Variants in NIBAN1 observed in about 807,000 individuals in gnomAD.
NIBAN1 encodes the protein niban apoptosis regulator 1, also known as protein Niban 1.
NIBAN1 carries 81 observed loss-of-function variants against 75.1 expected under a neutral mutation model. The ratio of observed to expected loss-of-function variants is 1.08; its 90% confidence interval spans 0.90 to 1.30. NIBAN1 has a LOEUF of 1.30. NIBAN1 is among the 50% of genes most tolerant of loss of function. The pLI is 0.00. For missense variants in NIBAN1, 1,133 were observed against 1,128.1 expected (o/e 1.00, Z -0.06); for synonymous variants, 436 against 424.8 (o/e 1.03, Z -0.32).
In NIBAN1 at chr1:184,794,665, CCTA is replaced by C. The variant is rs1653787322; in HGVS notation, c.*309_*311del. On this transcript the variant is annotated 3_prime_UTR_variant, in exon 14 of 14. Transcript: ENST00000367511. The stretch of plus-strand genomic sequence containing the variant: ...TGCAGAGTATACTCAAAACTGTCAT[CCTA>C]CTGTTTTCTCAGTCTTCCCTGCAAT... The C allele has an allele frequency of 2.2e-6, 1 of 458,360 alleles. No homozygotes were observed. Among genetic ancestry groups the C allele is most frequent in the African/African-American group, 2.0e-5 (1 of 50,548 alleles). The allele number at this position is 458,360 out of a possible 1,614,324, so 28.4% of individuals were successfully genotyped here. A position where few individuals can be genotyped will look rare whatever the true frequency, so the allele number is the denominator to read the frequency against.
chr1:184,929,444 TTAAATGCTTC>T (rs748450226), intron 1 of NIBAN1, among the ~76,000 whole-genome samples: 45 of 152,356 alleles, frequency 3.0e-4, no homozygotes, highest in Non-Finnish European at 5.9e-4. Flanking sequence ...TCATAATGTT[TTAAATGCTTC>T]TAAATGGTGT....
At chr1:184,819,792 G>A (rs982554594) in intron 8 of NIBAN1, among the ~76,000 whole-genome samples, 1 of 152,188 alleles carries the variant, frequency 6.6e-6, no homozygotes, top group Non-Finnish European at 1.5e-5. Flanking sequence ...TGAAAAAAAT[G>A]AGGCCTGGAG....
At chr1:184,965,082 G>T (rs1658745890) in intron 1 of NIBAN1, among the ~76,000 whole-genome samples, 1 of 152,244 alleles carries the variant, frequency 6.6e-6, no homozygotes, top group East Asian at 1.9e-4. Context: ...GGCGGATCAC[G>T]AAGTCAGGAG....
chr1:184,914,928 T>C (rs1657344562), intron 1 of NIBAN1, among the ~76,000 whole-genome samples: 1 of 152,160 alleles, frequency 6.6e-6, no homozygotes, highest in African/African-American at 2.4e-5. Flanking sequence ...TTCACCATGT[T>C]AGCCAGGATG....
chr1:184,830,827 C>G (rs1172857307), intron 6 of NIBAN1, among the ~76,000 whole-genome samples: 5 of 151,942 alleles, frequency 3.3e-5, no homozygotes, highest in Admixed American at 6.6e-5. Context: ...ATGGTGAAAC[C>G]CCATCTCTAC....
At position 184,893,087 on chromosome 1, in the gene NIBAN1, G is replaced by A. The variant is rs139660893; in HGVS notation, c.318+988C>T. ...GCACCTCGCCATCTTGACTATTCTT[G>A]AGCTTAGAGGCCAGAGAGCAGAGTT... On this transcript the variant is annotated intron_variant, in intron 3 of 13. Coordinates refer to ENST00000367511, the MANE Select transcript of NIBAN1 (RefSeq NM_052966.4). Among the ~76,000 whole-genome samples the A allele has an allele frequency of 2.7e-3, 406 of 152,216 alleles. 2 individuals carry two copies. Among genetic ancestry groups the A allele is most frequent in the African/African-American group, 9.3e-3 (385 of 41,536 alleles).
At chr1:184,799,278 TGA>T (rs1653964143) in intron 12 of NIBAN1, among the ~76,000 whole-genome samples, 1 of 149,690 alleles carries the variant, frequency 6.7e-6, no homozygotes, top group South Asian at 2.1e-4. Flanking sequence ...CACCTATGAG[TGA>T]GAATATGCGG....
chr1:184,973,926 G>A (rs1023284705), intron 1 of NIBAN1, among the ~76,000 whole-genome samples: 1 of 152,232 alleles, frequency 6.6e-6, no homozygotes, highest in Non-Finnish European at 1.5e-5. Flanking sequence ...CTAGAAACGC[G>A]GGATATCCCC....
rs1168955438 is a variant in NIBAN1 at position 184,961,057 on chromosome 1, CTTTTTTTTTTTT to C, written c.55+13233_55+13244del. 1.3e-3 allele frequency among the ~76,000 whole-genome samples: 75 copies of C among 57,860 alleles called. 1 individual carries two copies. The highest frequency in any genetic ancestry group is 2.0e-3 in the Non-Finnish European group (65 of 31,932). 38.0% of individuals were successfully genotyped at this position (57,860 alleles called of 152,430 possible). On this transcript the variant is annotated intron_variant, in intron 1 of 13. Coordinates refer to ENST00000367511, the MANE Select transcript of NIBAN1 (RefSeq NM_052966.4). ...CCTCCTCCCCCTTCTATATGCCGTTCTTTTTTTTTTTTTTTTTTTTTTTTTTTTTCAGACGGA... is the reference window on the plus strand; with the variant it reads ...CCTCCTCCCCCTTCTATATGCCGTTCTTTTTTTTTTTTTTTTTCAGACGGA...
chr1:184,906,461 T>A (rs966894589), intron 1 of NIBAN1, among the ~76,000 whole-genome samples: 3 of 151,592 alleles, frequency 2.0e-5, no homozygotes, highest in Non-Finnish European at 4.4e-5. Flanking sequence ...AGAAACCCCG[T>A]CCCTACTAAA....
intron 5 of NIBAN1, among the ~76,000 whole-genome samples, chr1:184,871,756 A>T (rs1470253321): frequency 6.6e-6 from 1 of 152,230 alleles, no homozygotes; most frequent in Non-Finnish European, 1.5e-5. Flanking sequence ...ATAATGTGCC[A>T]AATTAAATTG....
intron 1 of NIBAN1, among the ~76,000 whole-genome samples, chr1:184,912,615 T>C (rs554080384): frequency 6.6e-6 from 1 of 152,326 alleles, no homozygotes; most frequent in African/African-American, 2.4e-5. Context: ...TACTGGCCAT[T>C]GCGGTTTCTT....
chr1:184,823,072 T>C, intron 8 of NIBAN1, 95 bp downstream of exon 8: 2 of 1,430,528 alleles, frequency 1.4e-6, no homozygotes, highest in Non-Finnish European at 1.9e-6. Flanking sequence ...TTCTTAAGTG[T>C]AATTATCCTC....
chr1:184,877,672 C>T (rs1656267780), intron 5 of NIBAN1, among the ~76,000 whole-genome samples: 1 of 152,036 alleles, frequency 6.6e-6, no homozygotes, highest in African/African-American at 2.4e-5. Context: ...TATATGCATG[C>T]CAAATAGAGT....
intron 9 of NIBAN1, among the ~76,000 whole-genome samples, chr1:184,814,104 T>C (rs746821909): frequency 5.9e-5 from 9 of 152,244 alleles, no homozygotes; most frequent in Admixed American, 1.3e-4. Flanking sequence ...TTTTAAATTA[T>C]ACAAAGCTAA....
chr1:184,943,876 C>T (rs747625910), intron 1 of NIBAN1, among the ~76,000 whole-genome samples: 1 of 152,050 alleles, frequency 6.6e-6, no homozygotes, highest in Non-Finnish European at 1.5e-5. Flanking sequence ...ATATAGTTCA[C>T]TATGGAAGAG....
intron 5 of NIBAN1, among the ~76,000 whole-genome samples, chr1:184,842,505 G>C (rs1258914621): frequency 6.6e-6 from 1 of 152,206 alleles, no homozygotes; most frequent in Non-Finnish European, 1.5e-5. Context: ...TGTAATCCCA[G>C]TACTTTGGGA....
chr1:184,911,241 C>CA (rs1253980308), intron 1 of NIBAN1, among the ~76,000 whole-genome samples: 1 of 152,110 alleles, frequency 6.6e-6, no homozygotes, highest in Non-Finnish European at 1.5e-5. Flanking sequence ...AAAAGCAATG[C>CA]AAATATCTAG....
intron 11 of NIBAN1, 97 bp downstream of exon 11, chr1:184,805,849 T>A: frequency 1.1e-6 from 1 of 918,524 alleles, no homozygotes; most frequent in East Asian, 2.6e-5. Flanking sequence ...GGGGAAAGAT[T>A]AGAGCCAAGG....
Sources: gnomAD v4.1 joint callset for allele counts (sites outside exome capture counted in the v4.1 genomes callset) on GRCh38, gnomAD v4.1.1 for gene constraint, MANE v1.5 for transcripts, NCBI Gene and HGNC (gene_info 2026-07-23, HGNC 2026-07-21) for gene names.